Variants in RABGAP1L observed in about 807,000 individuals in gnomAD.
RABGAP1L encodes the protein rab GTPase-activating protein 1-like.
RABGAP1L carries 63 observed loss-of-function variants against 137.7 expected under a neutral mutation model. The observed-to-expected ratio is 0.46, with a 90% confidence interval of 0.37 to 0.56. RABGAP1L has a LOEUF of 0.56. Among genes scored for constraint, RABGAP1L ranks in the 20% least tolerant of loss-of-function variants. The pLI is 0.00. For synonymous variants in RABGAP1L, 431 were observed against 433.7 expected (o/e 0.99, Z 0.08); for missense variants, 1,095 against 1,244.0 (o/e 0.88, Z 1.80).
intron 13 of RABGAP1L, among the ~76,000 whole-genome samples, chr1:174,599,690 C>A (rs1212898998): frequency 6.6e-6 from 1 of 152,136 alleles, no homozygotes; most frequent in South Asian, 2.1e-4. Context: ...AAGTCTGCAG[C>A]CAAACTTAGT....
chr1:174,927,463 C>T (rs1663035161), intron 19 of RABGAP1L, among the ~76,000 whole-genome samples: 1 of 152,148 alleles, frequency 6.6e-6, no homozygotes, highest in Admixed American at 6.5e-5. Context: ...CTCCTGAGCT[C>T]ATGCAGTCCT....
chr1:174,503,163 G>A (rs1053027896), intron 13 of RABGAP1L, among the ~76,000 whole-genome samples: 1 of 152,092 alleles, frequency 6.6e-6, no homozygotes, highest in Non-Finnish European at 1.5e-5. Flanking sequence ...GCTGCCCACT[G>A]TTACTTCAAA....
chr1:174,945,141 CA>C (rs1455852694), intron 19 of RABGAP1L, among the ~76,000 whole-genome samples: 3 of 152,170 alleles, frequency 2.0e-5, no homozygotes, highest in African/African-American at 7.2e-5. Flanking sequence ...ACTCTGAATG[CA>C]CAGCTGTATC....
chr1:174,478,165 C>T (rs1658701398), intron 13 of RABGAP1L, among the ~76,000 whole-genome samples: 1 of 151,816 alleles, frequency 6.6e-6, no homozygotes, highest in African/African-American at 2.4e-5. Flanking sequence ...GAACTTTAGT[C>T]CCCTCTGTGA....
chr1:174,299,884 A>G (rs1291834890), intron 10 of RABGAP1L, among the ~76,000 whole-genome samples: 2 of 152,216 alleles, frequency 1.3e-5, no homozygotes, highest in Non-Finnish European at 2.9e-5. Flanking sequence ...TTAAAGTTCT[A>G]TAGCTTATTA....
At chr1:174,591,024 CT>C (rs1669582996) in intron 13 of RABGAP1L, among the ~76,000 whole-genome samples, 2 of 64,920 alleles carry the variant, frequency 3.1e-5, no homozygotes, top group Admixed American at 3.9e-4. Context: ...TGTTTCCTGA[CT>C]TTTTAATGAT....
chr1:174,962,363 G>T (rs1669230507), intron 20 of RABGAP1L, among the ~76,000 whole-genome samples: 1 of 152,024 alleles, frequency 6.6e-6, no homozygotes, highest in East Asian at 1.9e-4. Context: ...ATTTCTAATT[G>T]AAGTGTCTTA....
At chr1:174,496,519 C>A (rs1248467282) in intron 13 of RABGAP1L, among the ~76,000 whole-genome samples, 2 of 152,158 alleles carry the variant, frequency 1.3e-5, no homozygotes, top group African/African-American at 4.8e-5. Flanking sequence ...AATACTTGGA[C>A]CTTAAAACCA....
At chr1:174,727,185 C>T (rs1029365630) in intron 17 of RABGAP1L, among the ~76,000 whole-genome samples, 24 of 152,278 alleles carry the variant, frequency 1.6e-4, no homozygotes, top group African/African-American at 5.3e-4. Flanking sequence ...ATGCATAGCA[C>T]AATCCTTTCC....
chr1:174,751,544 A>G (rs1025010570), intron 17 of RABGAP1L, among the ~76,000 whole-genome samples: 4 of 152,216 alleles, frequency 2.6e-5, no homozygotes, highest in African/African-American at 9.6e-5. Context: ...TTTTGTAGCA[A>G]ACATTTCTGA....
At chr1:174,490,056 T>A (rs1660071842) in intron 13 of RABGAP1L, among the ~76,000 whole-genome samples, 1 of 152,176 alleles carries the variant, frequency 6.6e-6, no homozygotes, top group Non-Finnish European at 1.5e-5. Flanking sequence ...AAAGGTACCA[T>A]GTGTCTCTTT....
chr1:174,615,612 C>T (rs554765882), intron 13 of RABGAP1L, among the ~76,000 whole-genome samples: 1 of 152,340 alleles, frequency 6.6e-6, no homozygotes, highest in South Asian at 2.1e-4. Context: ...TCAAAGCTGT[C>T]AGACAGGGAC....
chr1:174,339,173 G>A (rs1681742146), intron 11 of RABGAP1L, among the ~76,000 whole-genome samples: 1 of 152,070 alleles, frequency 6.6e-6, no homozygotes, highest in Admixed American at 6.5e-5. Context: ...TGAAGTTTTA[G>A]CGTATTTCTA....
At chr1:174,361,313 G>T (rs1684129244) in intron 11 of RABGAP1L, among the ~76,000 whole-genome samples, 1 of 139,550 alleles carries the variant, frequency 7.2e-6, no homozygotes, top group African/African-American at 2.7e-5. Flanking sequence ...TTCTATTTCT[G>T]TGAAGAATGT....
intron 12 of RABGAP1L, among the ~76,000 whole-genome samples, chr1:174,393,615 A>G (rs894575589): frequency 2.6e-5 from 4 of 152,204 alleles, no homozygotes; most frequent in African/African-American, 9.7e-5. Flanking sequence ...CCTACCACAC[A>G]TCATTGTCCA....
chr1:174,616,132 C>G (rs946178918), intron 13 of RABGAP1L, among the ~76,000 whole-genome samples: 2 of 152,202 alleles, frequency 1.3e-5, no homozygotes, highest in Non-Finnish European at 2.9e-5. Context: ...GAACCTGGTA[C>G]CTCAGATGGA....
At position 174,176,730 on chromosome 1, in the gene RABGAP1L, A is replaced by ATAAAT. The variant is rs1326240757; in HGVS notation, c.-34+17073_-34+17074insTAAAT. Among the ~76,000 whole-genome samples, 15 of 143,374 alleles carry ATAAAT rather than the reference A, an allele frequency of 1.0e-4. 1 individual carries two copies. The highest frequency in any genetic ancestry group is 3.9e-4 in the African/African-American group (15 of 38,516). 94.1% of individuals were successfully genotyped at this position (143,374 alleles called of 152,430 possible). A position where few individuals can be genotyped will look rare whatever the true frequency, so the allele number is the denominator to read the frequency against. ...CTTTTTCAGAAAAAAAAAAAAAAAA[A>ATAAAT]AAAAAAAAAAAAAAAAGGTCAACAT... On this transcript the variant is annotated intron_variant, in intron 1 of 25. Coordinates refer to ENST00000681986, the MANE Select transcript of RABGAP1L (RefSeq NM_001366446.1).
chr1:174,279,232 G>A (rs1675276053), intron 10 of RABGAP1L, among the ~76,000 whole-genome samples: 1 of 151,952 alleles, frequency 6.6e-6, no homozygotes, highest in Admixed American at 6.6e-5. Flanking sequence ...TCATCAGTGA[G>A]GTTATAAAAT....
At chr1:174,520,235 T>C (rs1663245484) in intron 13 of RABGAP1L, among the ~76,000 whole-genome samples, 2 of 152,214 alleles carry the variant, frequency 1.3e-5, no homozygotes, top group Admixed American at 6.5e-5. Context: ...AGCAAAACTC[T>C]TGCTATAGAT....
Sources: gnomAD v4.1 joint callset for allele counts (sites outside exome capture counted in the v4.1 genomes callset) on GRCh38, gnomAD v4.1.1 for gene constraint, MANE v1.5 for transcripts, NCBI Gene and HGNC (gene_info 2026-07-23, HGNC 2026-07-21) for gene names.